Variants in NAALADL2 observed in about 807,000 individuals in gnomAD.
NAALADL2 encodes the protein inactive N-acetylated-alpha-linked acidic dipeptidase-like protein 2.
NAALADL2 carries 76 observed loss-of-function variants against 87.2 expected under a neutral mutation model. The ratio of observed to expected loss-of-function variants is 0.87; its 90% CI spans 0.72 to 1.05. The LOEUF is 1.05. NAALADL2 is among the 50% of genes least tolerant of loss of function. NAALADL2 has a pLI of 0.00. For synonymous variants in NAALADL2, 354 were observed against 331.0 expected (o/e 1.07, Z -0.75); for missense variants, 1,089 against 945.8 (o/e 1.15, Z -1.99).
chr3:175,403,543 C>T (rs1268494226), intron 5 of NAALADL2, among the ~76,000 whole-genome samples: 1 of 151,900 alleles, frequency 6.6e-6, no homozygotes, highest in Non-Finnish European at 1.5e-5. Context: ...TTTCTGTTTT[C>T]CGCCCACTTT....
At chr3:175,684,477 A>T (rs1286298494) in intron 11 of NAALADL2, among the ~76,000 whole-genome samples, 1 of 152,216 alleles carries the variant, frequency 6.6e-6, no homozygotes, top group African/African-American at 2.4e-5. Context: ...GCTATATAAG[A>T]ATACTCTGAA....
At chr3:174,661,821 G>A (rs750054845) in intron 2 of NAALADL2, among the ~76,000 whole-genome samples, 16 of 151,954 alleles carry the variant, frequency 1.1e-4, no homozygotes, top group Admixed American at 2.0e-4. Context: ...ATACACATGC[G>A]TGCACGCACA....
chr3:175,171,041 A>G (rs1360536957), intron 2 of NAALADL2, among the ~76,000 whole-genome samples: 1 of 151,958 alleles, frequency 6.6e-6, no homozygotes, highest in Non-Finnish European at 1.5e-5. Context: ...AGAGTTTAAA[A>G]TAGAACAAAT....
intron 3 of NAALADL2, among the ~76,000 whole-genome samples, chr3:174,787,602 T>TATATATACATATATATATATATATACAC (rs1553855433): frequency 5.5e-5 from 4 of 73,370 alleles, no homozygotes; most frequent in East Asian, 6.6e-4. Flanking sequence ...TATATATATA[T>TATATATACATATATATATATATATACAC]ATATATATAT....
Position 175,217,544 on chromosome 3 carries a change from A to G in NAALADL2, c.546-16387A>G, listed in dbSNP as rs183171687. On this transcript the variant is annotated intron_variant, in intron 2 of 13. Transcript: ENST00000454872. ...AAATAGTCTGCCGGGCATCCACGAG[A>G]AGTAATACTAAAGGTGGCAATTACC... 3.9e-3 allele frequency among the ~76,000 whole-genome samples: 595 copies of G among 152,334 alleles called. 2 individuals carry two copies. The highest frequency in any genetic ancestry group is 5.1e-3 in the Non-Finnish European group (349 of 68,038).
At chr3:175,527,800 A>T (rs945141996) in intron 9 of NAALADL2, among the ~76,000 whole-genome samples, 1 of 152,240 alleles carries the variant, frequency 6.6e-6, no homozygotes, top group Non-Finnish European at 1.5e-5. Context: ...TATGCATTAT[A>T]CATGCATATT....
At chr3:175,521,633 C>T (rs936371950) in intron 9 of NAALADL2, among the ~76,000 whole-genome samples, 1 of 151,996 alleles carries the variant, frequency 6.6e-6, no homozygotes, top group Admixed American at 6.6e-5. Context: ...TAACTAATGT[C>T]CTGGTAGTTA....
intron 2 of NAALADL2, among the ~76,000 whole-genome samples, chr3:174,617,083 C>T (rs758096732): frequency 2.0e-5 from 3 of 151,614 alleles, no homozygotes; most frequent in African/African-American, 7.3e-5. Context: ...TACCCTGCTG[C>T]GACACAGGAC....
chr3:175,453,448 C>T (rs1206305717), intron 6 of NAALADL2, among the ~76,000 whole-genome samples: 1 of 152,112 alleles, frequency 6.6e-6, no homozygotes, highest in Non-Finnish European at 1.5e-5. Flanking sequence ...AGGCCCATTA[C>T]CCTCTAAATT....
intron 1 of NAALADL2, among the ~76,000 whole-genome samples, chr3:174,511,526 C>G (rs538348359): frequency 4.3e-4 from 65 of 151,742 alleles, no homozygotes; most frequent in African/African-American, 1.6e-3. Flanking sequence ...TCAGCCTTTA[C>G]TTTTAATCTA....
In NAALADL2 at chr3:174,477,026, A is replaced by C. The variant is rs1717256540; in HGVS notation, c.-184+35994A>C. On this transcript the variant is annotated intron_variant, in intron 1 of 3. Coordinates refer to the NAALADL2 transcript ENST00000434257. Reference sequence around the variant, plus strand: ...TTGTAATTACTATTAAAATCTATGAAAATTAAAGAAAAGCCAGGTGAGATC... The same window carrying C: ...TTGTAATTACTATTAAAATCTATGACAATTAAAGAAAAGCCAGGTGAGATC... 2.0e-5 allele frequency among the ~76,000 whole-genome samples: 3 copies of C among 151,918 alleles called. No homozygotes were observed. In the South Asian group the frequency reaches 6.2e-4, roughly 32 times the overall value.
rs202022603 is a variant in NAALADL2, at chr3:175,338,622, A to AACACACAC, written c.1090+14331_1090+14338dup. On this transcript the variant is annotated intron_variant, in intron 5 of 13. Coordinates refer to ENST00000454872, the MANE Select transcript of NAALADL2 (RefSeq NM_207015.3). ...AAAAAAAAAAAAAAAAAACACCACAAACACACACACACACACACACACACA... is the reference window on the plus strand; with the variant it reads ...AAAAAAAAAAAAAAAAAACACCACAAACACACACACACACACACACACACACACACACA... Among the ~76,000 whole-genome samples, 151 of 88,458 alleles carry AACACACAC rather than the reference A, an allele frequency of 1.7e-3. 3 individuals carry two copies. Among genetic ancestry groups the AACACACAC allele is most frequent in the African/African-American group, 5.3e-3 (124 of 23,214 alleles). The allele number at this position is 88,458 out of a possible 152,430, so 58.0% of individuals were successfully genotyped here.
intron 2 of NAALADL2, among the ~76,000 whole-genome samples, chr3:174,701,693 G>A (rs935119497): frequency 6.6e-6 from 1 of 152,046 alleles, no homozygotes; most frequent in African/African-American, 2.4e-5. Context: ...AATTTTATAT[G>A]AATGGAATCA....
At chr3:174,736,388 C>A (rs1733201022) in intron 2 of NAALADL2, among the ~76,000 whole-genome samples, 1 of 152,070 alleles carries the variant, frequency 6.6e-6, no homozygotes, top group South Asian at 2.1e-4. Flanking sequence ...CTTTATTGAG[C>A]AGCAGAATAG....
intron 10 of NAALADL2, among the ~76,000 whole-genome samples, chr3:175,619,425 C>A (rs936758652): frequency 1.3e-5 from 2 of 151,048 alleles, no homozygotes; most frequent in African/African-American, 4.9e-5. Context: ...GCATAGAAAA[C>A]CTTCTTCTAG....
At chr3:175,260,155 T>C (rs6443297) in intron 4 of NAALADL2, among the ~76,000 whole-genome samples, 15,366 of 152,220 alleles carry the variant, frequency 0.1, 1,993 homozygotes, top group African/African-American at 0.31. Context: ...ACCCTTTGAC[T>C]ATATTTACAA....
chr3:175,760,031 T>G (rs186405080), intron 13 of NAALADL2, among the ~76,000 whole-genome samples: 44 of 151,568 alleles, frequency 2.9e-4, no homozygotes, highest in African/African-American at 1.0e-3. Context: ...ATTATGGGAG[T>G]AGGAAAGGCA....
At chr3:174,950,262 T>C (rs1740135665) in intron 1 of NAALADL2, among the ~76,000 whole-genome samples, 1 of 151,660 alleles carries the variant, frequency 6.6e-6, no homozygotes, top group Admixed American at 6.6e-5. Flanking sequence ...GAATTGAGAG[T>C]AGGGAGTAGA....
At chr3:175,247,500 C>T (rs768370176) in intron 3 of NAALADL2, among the ~76,000 whole-genome samples, 3 of 151,950 alleles carry the variant, frequency 2.0e-5, no homozygotes, top group East Asian at 3.9e-4. Context: ...CAAATGAATC[C>T]GGGAAAGAGG....
Sources: gnomAD v4.1 joint callset for allele counts (sites outside exome capture counted in the v4.1 genomes callset) on GRCh38, gnomAD v4.1.1 for gene constraint, MANE v1.5 for transcripts, NCBI Gene and HGNC (gene_info 2026-07-23, HGNC 2026-07-21) for gene names.